TNFAIP8: variants seen among roughly 807,000 people sequenced by gnomAD.
The protein encoded by TNFAIP8 is TNF alpha induced protein 8.
Under a neutral mutation model 13.3 loss-of-function variants are expected in TNFAIP8, and 7 were observed. The ratio of observed to expected loss-of-function variants is 0.52; its 90% confidence interval spans 0.30 to 0.99. TNFAIP8 has a LOEUF of 0.99. TNFAIP8 is among the 50% of genes least tolerant of loss of function. TNFAIP8 has a pLI of 0.07. For synonymous variants in TNFAIP8, 94 were observed against 87.6 expected (o/e 1.07, Z -0.41); for missense variants, 258 against 236.9 (o/e 1.09, Z -0.58).
chr5:119,303,227 T>A (rs142112305), intron 1 of TNFAIP8, among the ~76,000 whole-genome samples: 51 of 152,282 alleles, frequency 3.3e-4, no homozygotes, highest in African/African-American at 1.2e-3. Context: ...GCCAGTGAGG[T>A]CATGAAGAAT....
chr5:119,342,942 T>G (rs1051028854), intron 1 of TNFAIP8, among the ~76,000 whole-genome samples: 20 of 152,224 alleles, frequency 1.3e-4, no homozygotes, highest in African/African-American at 4.8e-4. Context: ...AGTCTAAATA[T>G]TCAGGTGGTC....
chr5:119,330,248 C>T (rs1000079582), intron 1 of TNFAIP8, among the ~76,000 whole-genome samples: 3 of 152,162 alleles, frequency 2.0e-5, no homozygotes, highest in Admixed American at 6.5e-5. Context: ...GATTAGGGAA[C>T]GTCCTGGGAA....
chr5:119,309,742 A>C (rs1342183564), intron 1 of TNFAIP8, among the ~76,000 whole-genome samples: 1 of 152,122 alleles, frequency 6.6e-6, no homozygotes, highest in African/African-American at 2.4e-5. Flanking sequence ...GATAACCCCA[A>C]AGCCCATCTA....
intron 1 of TNFAIP8, among the ~76,000 whole-genome samples, chr5:119,302,597 C>CT (rs1236497257): frequency 6.6e-6 from 1 of 152,174 alleles, no homozygotes; most frequent in Non-Finnish European, 1.5e-5. Flanking sequence ...TCTGCCACTC[C>CT]TTTTACCCCA....
At chr5:119,392,582 T>A (rs558614830) in intron 1 of TNFAIP8, among the ~76,000 whole-genome samples, 1 of 152,024 alleles carries the variant, frequency 6.6e-6, no homozygotes, top group Non-Finnish European at 1.5e-5. Context: ...AAACTCCTGA[T>A]CTCAAGTGGT....
chr5:119,300,232 G>C (rs890131824), intron 1 of TNFAIP8, among the ~76,000 whole-genome samples: 4 of 152,310 alleles, frequency 2.6e-5, no homozygotes, highest in African/African-American at 9.6e-5. Context: ...GACTGGAGCT[G>C]TTCCTAATCA....
intron 1 of TNFAIP8, among the ~76,000 whole-genome samples, chr5:119,373,583 T>G (rs1201025905): frequency 2.0e-5 from 3 of 152,130 alleles, no homozygotes; most frequent in Non-Finnish European, 4.4e-5. Flanking sequence ...ACATGGGGGT[T>G]AGAGAGGTTT....
intron 1 of TNFAIP8, among the ~76,000 whole-genome samples, chr5:119,382,646 C>A (rs1356637333): frequency 6.6e-6 from 1 of 152,168 alleles, no homozygotes; most frequent in Admixed American, 6.5e-5. Flanking sequence ...GGATTACTTT[C>A]ATTTAATCCT....
At chr5:119,273,977 A>T (rs1748367659) in intron 1 of TNFAIP8, among the ~76,000 whole-genome samples, 2 of 152,204 alleles carry the variant, frequency 1.3e-5, no homozygotes, top group South Asian at 4.1e-4. Flanking sequence ...AGCCTTCCTC[A>T]TTCCTAACTC....
chr5:119,275,014 T>C (rs80038503), intron 1 of TNFAIP8, among the ~76,000 whole-genome samples: 1 of 37,110 alleles, frequency 2.7e-5, no homozygotes, highest in South Asian at 6.1e-4. Context: ...TTTTTTTTAA[T>C]TTTTTTTTTT....
At chr5:119,290,621 G>A (rs1259613376) in intron 1 of TNFAIP8, among the ~76,000 whole-genome samples, 1 of 152,172 alleles carries the variant, frequency 6.6e-6, no homozygotes, top group Non-Finnish European at 1.5e-5. Context: ...CATATGGGAG[G>A]GGATTACACA....
intron 1 of TNFAIP8, among the ~76,000 whole-genome samples, chr5:119,295,714 C>T (rs1213628340): frequency 2.6e-5 from 4 of 152,128 alleles, no homozygotes; most frequent in Admixed American, 6.5e-5. Context: ...TATAAATTAC[C>T]TTGGGCAGTA....
At chr5:119,355,514 A>C (rs1751357498), upstream of TNFAIP8, 1 of 588,746 alleles carries the variant, frequency 1.7e-6, no homozygotes, top group Non-Finnish European at 3.0e-6. Context: ...TCCTACAAAA[A>C]TAACATACCA....
intron 1 of TNFAIP8, chr5:119,333,496 C>G (rs564549263): frequency 4.6e-4 from 683 of 1,490,352 alleles, no homozygotes; most frequent in Non-Finnish European, 5.9e-4. Context: ...GACTGAGTCT[C>G]CCCGAGGGTG....
At chr5:119,370,924 C>T (rs1447180567) in intron 1 of TNFAIP8, among the ~76,000 whole-genome samples, 1 of 152,204 alleles carries the variant, frequency 6.6e-6, no homozygotes, top group Admixed American at 6.5e-5. Context: ...AATCTCAACT[C>T]AAGGATTCTG....
intron 1 of TNFAIP8, among the ~76,000 whole-genome samples, chr5:119,364,841 G>GTTTTTTTTTTTTTT (rs10714712): frequency 6.8e-5 from 6 of 88,698 alleles, no homozygotes; most frequent in African/African-American, 1.9e-4. Flanking sequence ...TTTCTTTTCA[G>GTTTTTTTTTTTTTT]TTTTTTTTTT....
intron 1 of TNFAIP8, among the ~76,000 whole-genome samples, chr5:119,294,525 A>G (rs938868895): frequency 6.6e-6 from 1 of 152,142 alleles, no homozygotes; most frequent in Non-Finnish European, 1.5e-5. Flanking sequence ...ATGTGTCTTT[A>G]TAGCAGCATG....
At chr5:119,281,306 A>ACACACACACACACACACACACTCT in intron 1 of TNFAIP8, among the ~76,000 whole-genome samples, 8 of 114,216 alleles carry the variant, frequency 7.0e-5, no homozygotes, top group African/African-American at 1.5e-4. Flanking sequence ...ACACACACAC[A>ACACACACACACACACACACACTCT]CTCTCTCTCT....
intron 1 of TNFAIP8, chr5:119,316,182 C>G (rs1349907363): frequency 7.6e-6 from 1 of 131,120 alleles, no homozygotes; most frequent in African/African-American, 2.9e-5. Context: ...TTTTTTGAGA[C>G]AGGATCTTCC....
Sources: allele counts gnomAD v4.1 joint callset (sites outside exome capture counted in the v4.1 genomes callset), GRCh38; gene constraint gnomAD v4.1.1; transcripts MANE v1.5; gene names NCBI Gene and HGNC (gene_info 2026-07-23, HGNC 2026-07-21).